The following STK32A variants were observed in gnomAD, a reference collection of about 807,000 sequenced individuals.
STK32A encodes the protein serine/threonine-protein kinase 32A.
Under a neutral mutation model 53.2 loss-of-function variants are expected in STK32A, and 41 were observed. The observed-to-expected ratio is 0.77, with a 90% CI of 0.60 to 1.00. STK32A has a LOEUF of 1.00. Ranked by LOEUF, STK32A falls within the 50% of genes least tolerant of loss-of-function variation. The pLI is 0.00. For synonymous variants in STK32A, 166 were observed against 162.8 expected (o/e 1.02, Z -0.15); for missense variants, 458 against 485.8 (o/e 0.94, Z 0.54).
chr5:147,248,862 C>T (rs1753862728), intron 2 of STK32A, among the ~76,000 whole-genome samples: 1 of 152,188 alleles, frequency 6.6e-6, no homozygotes, highest in African/African-American at 2.4e-5. Context: ...TTAAAGGACC[C>T]ACCAAGCTCT....
At position 147,366,032 on chromosome 5, in the gene STK32A, TACAC is replaced by T. The variant is rs61026081; in HGVS notation, c.660+4436_660+4439del. ...AGAAACTACTGTTGCTCCCCAGTGC[TACAC>T]ACACACACACACACACATACACATA... On this transcript the variant is annotated intron_variant, in intron 8 of 12. Transcript: ENST00000397936. 0.013 allele frequency among the ~76,000 whole-genome samples: 1,989 copies of T among 149,374 alleles called. 144 individuals are homozygous for T. The East Asian group carries it at 0.2, about 15-fold the overall frequency.
At chr5:147,401,829 G>T in the STK32A span, 1 of 1,047,612 alleles carries the variant, frequency 9.5e-7, no homozygotes, top group Non-Finnish European at 1.3e-6. Context: ...TCAAGTCCAT[G>T]TTCCCACCTT....
intron 4 of STK32A, among the ~76,000 whole-genome samples, chr5:147,298,129 G>A (rs1033564116): frequency 6.6e-6 from 1 of 152,038 alleles, no homozygotes; most frequent in Non-Finnish European, 1.5e-5. Context: ...TGTTCTCTCT[G>A]TTTAAAAATT....
chr5:147,356,254 T>G (rs11955235), intron 7 of STK32A, among the ~76,000 whole-genome samples: 34,371 of 152,082 alleles, frequency 0.23, 5,035 homozygotes, highest in African/African-American at 0.41. Context: ...AGGTAGAATG[T>G]CTGACATTGC....
chr5:147,288,051 T>G (rs1752426737), intron 4 of STK32A, among the ~76,000 whole-genome samples: 1 of 152,164 alleles, frequency 6.6e-6, no homozygotes, highest in South Asian at 2.1e-4. Flanking sequence ...CCAGACAACA[T>G]TCTGTTCTCC....
At chr5:147,260,109 T>C in intron 2 of STK32A, among the ~76,000 whole-genome samples, 2 of 136,254 alleles carry the variant, frequency 1.5e-5, no homozygotes, top group African/African-American at 2.8e-5. Flanking sequence ...CTCTGTCTCC[T>C]CTCTGTCCCT....
At chr5:147,383,550 G>A in intron 12 of STK32A, 45 bp downstream of exon 12, 1 of 1,410,890 alleles carries the variant, frequency 7.1e-7, no homozygotes, top group South Asian at 1.3e-5. Flanking sequence ...ATGGTGGCAT[G>A]TTTCAGCCAG....
At chr5:147,310,864 A>G (rs1439422432) in intron 4 of STK32A, among the ~76,000 whole-genome samples, 1 of 152,172 alleles carries the variant, frequency 6.6e-6, no homozygotes, top group Non-Finnish European at 1.5e-5. Flanking sequence ...AGAAAATAAT[A>G]ATAGCAAAAT....
chr5:147,280,393 C>G (rs1309517291), intron 4 of STK32A, among the ~76,000 whole-genome samples: 1 of 60,518 alleles, frequency 1.7e-5, no homozygotes, highest in Non-Finnish European at 3.0e-5. Context: ...TAGAAACAAC[C>G]TGGGAGCTGT....
intron 2 of STK32A, among the ~76,000 whole-genome samples, chr5:147,277,440 G>A (rs1751807723): frequency 6.6e-6 from 1 of 152,114 alleles, no homozygotes; most frequent in South Asian, 2.1e-4. Flanking sequence ...TTCAGACGTG[G>A]AGGATCGACT....
intron 4 of STK32A, among the ~76,000 whole-genome samples, chr5:147,317,323 C>CTTTTTTTTTTTTTT (rs3064294): frequency 4.9e-4 from 40 of 81,314 alleles, no homozygotes; most frequent in African/African-American, 1.2e-3. Context: ...CTTTTTCTTT[C>CTTTTTTTTTTTTTT]TTTTTTTTTT....
At chr5:147,238,718 TG>T (rs1753430451) in intron 1 of STK32A, among the ~76,000 whole-genome samples, 1 of 152,122 alleles carries the variant, frequency 6.6e-6, no homozygotes, top group Non-Finnish European at 1.5e-5. Flanking sequence ...GTTATATATA[TG>T]TGTATTATTT....
At chr5:147,244,942 T>C (rs530857514) in intron 2 of STK32A, among the ~76,000 whole-genome samples, 66 of 152,346 alleles carry the variant, frequency 4.3e-4, no homozygotes, top group African/African-American at 1.5e-3. Context: ...CTCTTTGAAG[T>C]ACTTTAAGTT....
At chr5:147,321,612 C>T (rs952820448) in intron 4 of STK32A, among the ~76,000 whole-genome samples, 1 of 152,148 alleles carries the variant, frequency 6.6e-6, no homozygotes, top group African/African-American at 2.4e-5. Flanking sequence ...TCACTTTGTT[C>T]TTTGAATAAA....
At chr5:147,312,913 G>A (rs978916161) in intron 4 of STK32A, among the ~76,000 whole-genome samples, 1 of 151,932 alleles carries the variant, frequency 6.6e-6, no homozygotes, top group Admixed American at 6.6e-5. Context: ...ACATTAGACT[G>A]CCCAGAATAC....
intron 4 of STK32A, among the ~76,000 whole-genome samples, chr5:147,319,645 G>A (rs749413398): frequency 4.6e-5 from 7 of 152,128 alleles, no homozygotes; most frequent in Non-Finnish European, 1.0e-4. Flanking sequence ...TCCAAAGAAA[G>A]GTTTTAAAAT....
chr5:147,363,340 AATCAC>A (rs958020301), intron 8 of STK32A, among the ~76,000 whole-genome samples: 4 of 89,840 alleles, frequency 4.5e-5, no homozygotes, highest in African/African-American at 2.7e-4. Context: ...GCATGGGAGC[AATCAC>A]TCTCATGGCT....
At chr5:147,338,156 C>T (rs1473240376) in intron 5 of STK32A, among the ~76,000 whole-genome samples, 13 of 152,170 alleles carry the variant, frequency 8.5e-5, no homozygotes, top group Non-Finnish European at 1.6e-4. Flanking sequence ...TTCCCATAAT[C>T]TCCATTTGTC....
intron 4 of STK32A, among the ~76,000 whole-genome samples, chr5:147,295,891 T>C (rs74374168): frequency 0.057 from 8,656 of 152,134 alleles, 304 homozygotes; most frequent in South Asian, 0.093. Flanking sequence ...GAGCTCAAAC[T>C]AAGGGAGCAG....
Sources: gnomAD v4.1 joint callset for allele counts (sites outside exome capture counted in the v4.1 genomes callset) on GRCh38, gnomAD v4.1.1 for gene constraint, MANE v1.5 for transcripts, NCBI Gene and HGNC (gene_info 2026-07-23, HGNC 2026-07-21) for gene names.